The following SPAG17 variants were observed in gnomAD, a reference collection of about 807,000 sequenced individuals.
The protein encoded by SPAG17 is sperm-associated antigen 17.
A neutral mutation model predicts 273.6 loss-of-function variants in SPAG17; 169 were observed. The observed-to-expected ratio is 0.62, with a 90% CI of 0.55 to 0.70. SPAG17 has a LOEUF of 0.70. Ranked by LOEUF, SPAG17 falls within the 30% of genes least tolerant of loss-of-function variation. SPAG17 has a pLI of 0.00. For synonymous variants in SPAG17, 825 were observed against 873.2 expected (o/e 0.94, Z 0.97); for missense variants, 2,557 against 2,627.8 (o/e 0.97, Z 0.59).
At chr1:118,054,651 G>A (rs1207366514) in intron 19 of SPAG17, among the ~76,000 whole-genome samples, 1 of 151,966 alleles carries the variant, frequency 6.6e-6, no homozygotes, top group African/African-American at 2.4e-5. Flanking sequence ...TAATAGGGAG[G>A]TGTGGCCCTA....
At chr1:118,172,395 A>G (rs1194046929) in intron 1 of SPAG17, among the ~76,000 whole-genome samples, 1 of 152,198 alleles carries the variant, frequency 6.6e-6, no homozygotes, top group Non-Finnish European at 1.5e-5. Flanking sequence ...ATGGGTTGCC[A>G]TAAACTTTTT....
intron 6 of SPAG17, among the ~76,000 whole-genome samples, chr1:118,098,724 G>T (rs1157438077): frequency 6.6e-6 from 1 of 152,084 alleles, no homozygotes; most frequent in Non-Finnish European, 1.5e-5. Context: ...TAGGCTTGTT[G>T]TGAAAACCAC....
intron 1 of SPAG17, among the ~76,000 whole-genome samples, chr1:118,182,128 CTGA>C (rs1292388755): frequency 6.6e-6 from 1 of 152,002 alleles, no homozygotes; most frequent in Non-Finnish European, 1.5e-5. Context: ...TAAGGAAATT[CTGA>C]GACATGTTAC....
chr1:118,101,569 T>C (rs1011969612), intron 5 of SPAG17, among the ~76,000 whole-genome samples, 171 bp downstream of exon 5: 5 of 152,144 alleles, frequency 3.3e-5, no homozygotes, highest in Non-Finnish European at 7.3e-5. Context: ...TCCAATCGCA[T>C]CACAGTTCAT....
intron 18 of SPAG17, among the ~76,000 whole-genome samples, chr1:118,062,232 T>C (rs1652387483): frequency 6.6e-6 from 1 of 150,944 alleles, no homozygotes; most frequent in Admixed American, 6.6e-5. Context: ...CCGGGCGTAG[T>C]GGCGGGCGCC....
In SPAG17 at chr1:118,055,774, A is replaced by C; in HGVS notation, c.2681T>G (p.Leu894Arg). ...GGAAAAAATTTTGCTAGCAGAAGTAAGTTTGGCATTAGCAGAAGATTTCAA... is the reference window on the plus strand; with the variant it reads ...GGAAAAAATTTTGCTAGCAGAAGTACGTTTGGCATTAGCAGAAGATTTCAA... ...LELKSSANAK[L>R]TSASKIFSIK... Residue 894 changes from leucine (L) to arginine (R), a missense_variant, in exon 19 of 49, where the codon CTT becomes CGT. Transcript: ENST00000336338. The C allele has an allele frequency of 6.2e-7, 1 of 1,612,794 alleles. No homozygotes were observed. The highest frequency in any genetic ancestry group is 8.5e-7 in the Non-Finnish European group (1 of 1,179,608).
In SPAG17 at chr1:118,023,386, CG is replaced by C. The variant is rs1179083496; in HGVS notation, c.3986del (p.Thr1329SerfsTer7). 1 of 1,612,642 alleles carries C rather than the reference CG, an allele frequency of 6.2e-7. No homozygotes were observed. The highest frequency in any genetic ancestry group is 2.2e-5 in the East Asian group (1 of 44,848). On this transcript the variant is annotated frameshift_variant, in exon 28 of 49. Transcript: ENST00000336338. LOFTEE classifies it high-confidence loss of function. Reference sequence around the variant, plus strand: ...AGTCCATCAAATCTCCACTGTGAGGCGTTGCTGGCATTTCAGAAGGAGGACA... The same window carrying C: ...AGTCCATCAAATCTCCACTGTGAGGCTTGCTGGCATTTCAGAAGGAGGACA... The part of the protein sequence containing the change: ...LICPPSEMPA[T>X]PHSGDLMDSI...
chr1:118,028,473 T>G, intron 25 of SPAG17, 79 bp from the exon 26 acceptor site: 1 of 1,558,078 alleles, frequency 6.4e-7, no homozygotes, highest in Non-Finnish European at 8.7e-7. Context: ...AGCCAGGATA[T>G]GCTGAGTGCT....
chr1:118,098,820 G>T (rs549400182), intron 6 of SPAG17, among the ~76,000 whole-genome samples: 2 of 152,000 alleles, frequency 1.3e-5, no homozygotes, highest in East Asian at 3.9e-4. Context: ...TATTATCAAG[G>T]GTAGCTATTT....
At chr1:118,092,095 T>C (rs943993154) in intron 8 of SPAG17, 93 bp from the exon 9 acceptor site, 7 of 1,033,744 alleles carry the variant, frequency 6.8e-6, no homozygotes, top group Non-Finnish European at 1.1e-5. Context: ...AACAGGATAC[T>C]CAGGTTGTAT....
intron 29 of SPAG17, among the ~76,000 whole-genome samples, chr1:118,015,005 C>T (rs1659824710): frequency 6.6e-6 from 1 of 152,060 alleles, no homozygotes; most frequent in South Asian, 2.1e-4. Context: ...AGATAGAGGG[C>T]CGGGCGTGGT....
intron 48 of SPAG17, chr1:117,960,923 C>G (rs1269559212): frequency 2.0e-5 from 3 of 152,122 alleles, no homozygotes; most frequent in Non-Finnish European, 4.4e-5. Flanking sequence ...TACTTTTTTC[C>G]TAATTTTTTT....
At chr1:118,016,375 T>A (rs1156249735) in intron 28 of SPAG17, among the ~76,000 whole-genome samples, 193 bp from the exon 29 acceptor site, 1 of 152,184 alleles carries the variant, frequency 6.6e-6, no homozygotes, top group African/African-American at 2.4e-5. Context: ...ATTTTAGCAC[T>A]TAAACCATGG....
At chr1:118,053,027 T>C (rs911195190) in intron 20 of SPAG17, among the ~76,000 whole-genome samples, 1 of 151,992 alleles carries the variant, frequency 6.6e-6, no homozygotes, top group African/African-American at 2.4e-5. Flanking sequence ...GAGATTATGA[T>C]ATATGTAGTT....
intron 48 of SPAG17, chr1:117,962,445 A>G (rs1267516915): frequency 6.6e-6 from 1 of 152,104 alleles, no homozygotes; most frequent in Non-Finnish European, 1.5e-5. Context: ...TAAGTTACCT[A>G]TAGAAATTCT....
chr1:117,992,724 A>G (rs1293646266), intron 35 of SPAG17, 76 bp from the exon 36 acceptor site: 1 of 1,244,282 alleles, frequency 8.0e-7, no homozygotes, highest in Non-Finnish European at 1.1e-6. Flanking sequence ...TTAACTGTTC[A>G]TTTATTACAT....
At chr1:118,052,025 GTAT>G in intron 20 of SPAG17, among the ~76,000 whole-genome samples, 1 of 136,754 alleles carries the variant, frequency 7.3e-6, no homozygotes, top group South Asian at 2.4e-4. Context: ...ATATATAATA[GTAT>G]TATATAATAG....
chr1:118,147,909 C>T (rs781153139), intron 3 of SPAG17, among the ~76,000 whole-genome samples: 3 of 152,146 alleles, frequency 2.0e-5, no homozygotes, highest in Non-Finnish European at 4.4e-5. Context: ...TTCTAATCAA[C>T]CACAGGCTAG....
intron 3 of SPAG17, among the ~76,000 whole-genome samples, chr1:118,136,969 T>C (rs1273174128): frequency 6.6e-6 from 1 of 152,208 alleles, no homozygotes; most frequent in African/African-American, 2.4e-5. Context: ...GCAGACATTT[T>C]ACTGGGGGAA....
Sources: gnomAD v4.1 joint callset for allele counts (sites outside exome capture counted in the v4.1 genomes callset) on GRCh38, gnomAD v4.1.1 for gene constraint, MANE v1.5 for transcripts, NCBI Gene and HGNC (gene_info 2026-07-23, HGNC 2026-07-21) for gene names.